GALNT9: variants seen among roughly 807,000 people sequenced by gnomAD.
GALNT9 encodes the protein GalNAc transferase 9.
Under a neutral mutation model 63.1 loss-of-function variants are expected in GALNT9, and 47 were observed. That is an observed-to-expected ratio of 0.75 (90% CI 0.59 to 0.95). The LOEUF is 0.95. Among genes scored for constraint, GALNT9 ranks in the 40% least tolerant of loss-of-function variants. The pLI, the probability that GALNT9 is intolerant of heterozygous loss-of-function variation, is 0.00. For synonymous variants in GALNT9, 396 were observed against 365.7 expected, an observed-to-expected ratio of 1.08 and a Z score of -0.94; for missense variants, 829 against 874.8, an observed-to-expected ratio of 0.95 and a Z score of 0.66.
At chr12:132,256,833 C>G (rs1356409585) in intron 5 of GALNT9, among the ~76,000 whole-genome samples, 1 of 152,244 alleles carries the variant, frequency 6.6e-6, no homozygotes, top group African/African-American at 2.4e-5. Context: ...TCAGCCTGCA[C>G]CTTTCAGCCA....
intron 2 of GALNT9, among the ~76,000 whole-genome samples, chr12:132,281,362 T>G (rs1555241670): frequency 2.6e-5 from 4 of 152,202 alleles, no homozygotes; most frequent in Non-Finnish European, 5.9e-5. Flanking sequence ...CCAGGAGGCC[T>G]CCTTCGCATT....
chr12:132,215,741 A>T (rs1399657636), intron 6 of GALNT9, among the ~76,000 whole-genome samples: 1 of 152,204 alleles, frequency 6.6e-6, no homozygotes, highest in Non-Finnish European at 1.5e-5. Flanking sequence ...GGCAGCACAG[A>T]GCAGCCAGTG....
chr12:132,269,713 G>T (rs1008524736), intron 2 of GALNT9, among the ~76,000 whole-genome samples: 1 of 152,224 alleles, frequency 6.6e-6, no homozygotes, highest in Non-Finnish European at 1.5e-5. Context: ...CTGGGAACGC[G>T]TACCTGGGGC....
At chr12:132,322,914 C>T (rs1297039903) in intron 1 of GALNT9, among the ~76,000 whole-genome samples, 1 of 152,174 alleles carries the variant, frequency 6.6e-6, no homozygotes, top group East Asian at 1.9e-4. Flanking sequence ...GCGGGGCGGC[C>T]ATCGCTCTCC....
rs1256748979 is a variant in GALNT9, at chr12:132,268,570, C to A, written c.420-5945G>T. On this transcript the variant is annotated intron_variant, in intron 2 of 10. Transcript: ENST00000328957. ...AATTGGACTTTATCAAAATAAAAAACCATCTGTTCTTTGAAAGACACTCAG... is the reference window on the plus strand; with the variant it reads ...AATTGGACTTTATCAAAATAAAAAAACATCTGTTCTTTGAAAGACACTCAG... Among the ~76,000 whole-genome samples, 3 of 152,322 alleles carry A rather than the reference C, an allele frequency of 2.0e-5. No homozygotes were observed. In the South Asian group the frequency reaches 6.2e-4, roughly 32 times the overall value.
chr12:132,320,506 G>C (rs1868735156), intron 1 of GALNT9, among the ~76,000 whole-genome samples: 1 of 152,256 alleles, frequency 6.6e-6, no homozygotes, highest in Non-Finnish European at 1.5e-5. Context: ...TTAAATAAGT[G>C]ATGGATTGGC....
intron 6 of GALNT9, among the ~76,000 whole-genome samples, chr12:132,224,775 C>T (rs1190469765): frequency 6.8e-6 from 1 of 146,552 alleles, no homozygotes; most frequent in Admixed American, 6.8e-5. Flanking sequence ...TGTACACACC[C>T]CACACACATA....
At chr12:132,213,406 C>T (rs1359482233) in intron 6 of GALNT9, among the ~76,000 whole-genome samples, 1 of 152,168 alleles carries the variant, frequency 6.6e-6, no homozygotes, top group Non-Finnish European at 1.5e-5. Context: ...ACCGCAGATG[C>T]ACACGTGTGC....
At chr12:132,247,344 G>A (rs1878740854) in intron 6 of GALNT9, 1 of 342,882 alleles carries the variant, frequency 2.9e-6, no homozygotes, top group Non-Finnish European at 5.8e-6. Context: ...GAAAAATAAA[G>A]TAGACATGGG....
intron 6 of GALNT9, among the ~76,000 whole-genome samples, chr12:132,206,495 A>G (rs1019364843): frequency 1.3e-5 from 2 of 152,158 alleles, no homozygotes; most frequent in Non-Finnish European, 2.9e-5. Context: ...AAAAATACAA[A>G]AATTAGCTGG....
chr12:132,296,474 C>T lies in GALNT9; in HGVS notation c.239-10044G>A, dbSNP rs1165136952. ...GTTTTCCTCTTTGAAATCCCAGCTT[C>T]CTCCTCCAGACAGAATCAACACTGC... On this transcript the variant is annotated intron_variant, in intron 1 of 10. Coordinates refer to ENST00000328957, the MANE Select transcript of GALNT9 (RefSeq NM_001122636.2). The surrounding 1 kb of genome is among the most constrained non-coding windows in gnomAD (Gnocchi z 4.2). 6.6e-6 allele frequency among the ~76,000 whole-genome samples: 1 copy of T among 152,256 alleles called. No homozygotes were observed. The highest frequency in any genetic ancestry group is 3.2e-3 in the Middle Eastern group (1 of 316).
intron 1 of GALNT9, among the ~76,000 whole-genome samples, chr12:132,311,499 G>C (rs910408932): frequency 1.1e-4 from 16 of 152,268 alleles, no homozygotes; most frequent in African/African-American, 3.9e-4. Flanking sequence ...CCTAGGCCTC[G>C]GGTTATGCCT....
chr12:132,326,091 C>G (rs1424756398), intron 1 of GALNT9, among the ~76,000 whole-genome samples: 1 of 152,244 alleles, frequency 6.6e-6, no homozygotes, highest in Non-Finnish European at 1.5e-5. Context: ...GGCTCTTTGT[C>G]TCTCTCTCCC....
chr12:132,224,622 A>G (rs1877574344), intron 6 of GALNT9, among the ~76,000 whole-genome samples: 1 of 28,506 alleles, frequency 3.5e-5, no homozygotes, highest in Admixed American at 4.7e-4. Flanking sequence ...CACCCCATAC[A>G]CCCCATATAC....
chr12:132,213,485 CACACGCACT>C (rs200219916), intron 6 of GALNT9, among the ~76,000 whole-genome samples: 23 of 151,400 alleles, frequency 1.5e-4, no homozygotes, highest in Admixed American at 9.9e-4. Flanking sequence ...CACACCCACA[CACACGCACT>C]CCACTCACAC....
At chr12:132,278,066 C>T (rs552657244) in intron 2 of GALNT9, 4 of 150,802 alleles carry the variant, frequency 2.7e-5, no homozygotes, top group Non-Finnish European at 5.9e-5. Flanking sequence ...TCTAACCCCT[C>T]TCTCTGGCCC....
In GALNT9 at chr12:132,201,230, TCAGACA is replaced by T; in HGVS notation, c.1289_1294del (p.Val430_Ser431del). On this transcript the variant is annotated inframe_deletion, in exon 8 of 11. Transcript: ENST00000328957. ...CAGCCTCTGACGCAGGGCCAGCCTC[TCAGACA>T]CGTCCCCGAAGTCCACCCCTGGGTT... 1 of 1,613,442 alleles carries T rather than the reference TCAGACA, an allele frequency of 6.2e-7. No homozygotes were observed. Among genetic ancestry groups the T allele is most frequent in the Non-Finnish European group, 8.5e-7 (1 of 1,179,522 alleles).
At chr12:132,197,412 AG>A (rs1263135957) in intron 10 of GALNT9, among the ~76,000 whole-genome samples, 159 bp from the exon 11 acceptor site, 1 of 149,534 alleles carries the variant, frequency 6.7e-6, no homozygotes, top group Non-Finnish European at 1.5e-5. Flanking sequence ...GGGGCCGGGA[AG>A]GGGCTGACTT....
At chr12:132,209,787 C>A (rs901553513) in intron 6 of GALNT9, among the ~76,000 whole-genome samples, 6 of 152,178 alleles carry the variant, frequency 3.9e-5, no homozygotes, top group African/African-American at 1.4e-4. Context: ...TGCTGCCTTT[C>A]CCAGAAAACT....
Sources: gnomAD v4.1 joint callset for allele counts (sites outside exome capture counted in the v4.1 genomes callset) on GRCh38, gnomAD v4.1.1 for gene constraint, Gnocchi (gnomAD v3.1) non-coding constraint, MANE v1.5 for transcripts, NCBI Gene and HGNC (gene_info 2026-07-23, HGNC 2026-07-21) for gene names.